Variants in OLAH observed in about 807,000 individuals in gnomAD.
OLAH encodes S-acyl fatty acid synthase thioesterase, medium chain.
In OLAH, 33 loss-of-function variants were observed where a neutral mutation model predicts 27.8. That is an observed-to-expected ratio of 1.19 (90% CI 0.90 to 1.59). OLAH has a LOEUF of 1.59. OLAH is among the 40% of genes most tolerant of loss of function. The probability of loss-of-function intolerance (pLI) is 0.00; values close to 1 mark genes in which losing one functional copy is unlikely to be tolerated. For synonymous variants in OLAH, 120 were observed against 102.9 expected (o/e 1.17, Z -1.01); for missense variants, 359 against 310.8 (o/e 1.16, Z -1.17).
upstream of OLAH, among the ~76,000 whole-genome samples, chr10:15,042,600 A>C (rs925267695): frequency 2.0e-5 from 3 of 152,184 alleles, no homozygotes; most frequent in Non-Finnish European, 4.4e-5. Flanking sequence ...TATTGACTAC[A>C]GTCACTCTGT....
intron 6 of OLAH, among the ~76,000 whole-genome samples, chr10:15,070,786 T>C (rs940460569): frequency 6.7e-6 from 1 of 148,352 alleles, no homozygotes; most frequent in African/African-American, 2.5e-5. Flanking sequence ...TGAACTTTTT[T>C]TTTTTTTTTT....
intron 1 of OLAH, 84 bp from the exon 2 acceptor site, chr10:15,047,042 T>C: frequency 4.6e-6 from 2 of 434,258 alleles, no homozygotes; most frequent in Non-Finnish European, 8.3e-6. Flanking sequence ...CCATTTCTTC[T>C]TCTCCTTTGT....
chr10:15,055,494 A>G (rs970600652), intron 3 of OLAH, among the ~76,000 whole-genome samples: 1 of 152,168 alleles, frequency 6.6e-6, no homozygotes, highest in African/African-American at 2.4e-5. Context: ...CGTCCTTTCT[A>G]CATGCTGGTA....
At chr10:15,052,858 T>A (rs1844173363) in intron 3 of OLAH, among the ~76,000 whole-genome samples, 2 of 150,722 alleles carry the variant, frequency 1.3e-5, no homozygotes, top group African/African-American at 4.9e-5. Context: ...TCCTCCTGCC[T>A]CAGCCTCCTG....
In OLAH at chr10:15,035,549, A is replaced by C. The variant is rs527879180; in HGVS notation, c.-164+3199A>C. Among the ~76,000 whole-genome samples the C allele has an allele frequency of 5.3e-5, 8 of 152,178 alleles. No homozygotes were observed. The East Asian group carries it at 1.5e-3, about 29-fold the overall frequency. The stretch of plus-strand genomic sequence containing the variant: ...GGACCGGATCTCATGAGAACTCACT[A>C]TCTCTGAGACAGCACCAAGCCACGT... On this transcript the variant is annotated intron_variant, in intron 1 of 3. Coordinates refer to the OLAH transcript ENST00000413672.
chr10:15,054,222 G>A (rs999225519), intron 3 of OLAH, among the ~76,000 whole-genome samples: 5 of 151,928 alleles, frequency 3.3e-5, no homozygotes, highest in East Asian at 1.9e-4. Flanking sequence ...TGTATTTTTA[G>A]TAGAGACAGG....
At chr10:15,062,062 A>G (rs1844378581) in intron 4 of OLAH, 200 bp downstream of exon 4, 1 of 467,258 alleles carries the variant, frequency 2.1e-6, no homozygotes. Flanking sequence ...TTAGGCAAAT[A>G]AAGTCAACAC....
chr10:15,057,007 C>A, intron 3 of OLAH: 1 of 1,388,936 alleles, frequency 7.2e-7, no homozygotes, highest in Non-Finnish European at 9.4e-7. Flanking sequence ...TTGAAAATGT[C>A]TTCTAGTTTG....
At chr10:15,049,570 G>T in intron 2 of OLAH, 65 bp from the exon 3 acceptor site, 1 of 1,002,636 alleles carries the variant, frequency 1.0e-6, no homozygotes, top group Non-Finnish European at 1.4e-6. Flanking sequence ...TAAAACACAG[G>T]TAATTCAGTA....
At chr10:15,036,258 G>C (rs1843838950) in intron 1 of OLAH, among the ~76,000 whole-genome samples, 1 of 152,124 alleles carries the variant, frequency 6.6e-6, no homozygotes, top group Admixed American at 6.5e-5. Flanking sequence ...AGCACTTTGG[G>C]ATTCCAAGGT....
chr10:15,065,583 G>A lies in OLAH; in HGVS notation c.403-1G>A. 6.2e-7 allele frequency: 1 copy of A among 1,607,862 alleles called. No individual in the cohort carries two copies. The highest frequency in any genetic ancestry group is 8.5e-7 in the Non-Finnish European group (1 of 1,177,912). ...GCCTGTGTTGTTGTTCATGTTTCAA[G>A]TCAAAGGCCTGGCATCGCATTCCCA... On this transcript the variant is annotated splice_acceptor_variant, in intron 5 of 7. Transcript: ENST00000378228. LOFTEE classifies it high-confidence loss of function.
At chr10:15,043,082 A>C (rs557444422), upstream of OLAH, among the ~76,000 whole-genome samples, 1 of 151,876 alleles carries the variant, frequency 6.6e-6, no homozygotes, top group Non-Finnish European at 1.5e-5. Flanking sequence ...GGGTGGTCTC[A>C]GTCTCCTGAC....
At chr10:15,061,649 A>G (rs1390211122) in intron 3 of OLAH, 75 bp from the exon 4 acceptor site, 2 of 1,370,374 alleles carry the variant, frequency 1.5e-6, no homozygotes, top group East Asian at 4.9e-5. Context: ...CATCAGGTAA[A>G]TATGAGCCCT....
At chr10:15,038,025 G>A (rs950284983) in intron 1 of OLAH, among the ~76,000 whole-genome samples, 3 of 152,228 alleles carry the variant, frequency 2.0e-5, no homozygotes, top group Non-Finnish European at 4.4e-5. Flanking sequence ...AACACCCTGG[G>A]AACCCACTTC....
chr10:15,070,000 G>T (rs1379524139), intron 6 of OLAH, among the ~76,000 whole-genome samples: 1 of 152,114 alleles, frequency 6.6e-6, no homozygotes, highest in East Asian at 1.9e-4. Flanking sequence ...TACCTCTTCC[G>T]CCTGGACATT....
At chr10:15,036,113 A>G (rs565569820) in intron 1 of OLAH, among the ~76,000 whole-genome samples, 32 of 152,284 alleles carry the variant, frequency 2.1e-4, no homozygotes, top group South Asian at 1.0e-3. Flanking sequence ...GATTAACTGT[A>G]CGTTTAAGTC....
rs553853028 is a variant in OLAH, at chr10:15,034,641, G to T, written c.-164+2291G>T. The stretch of plus-strand genomic sequence containing the variant: ...AAGTGGTCTATGGCCCAGCCACTTT[G>T]TTCTTGCAGGTGTGCTCTGTGATGG... On this transcript the variant is annotated intron_variant, in intron 1 of 3. Transcript: ENST00000413672. 3.3e-5 allele frequency among the ~76,000 whole-genome samples: 5 copies of T among 152,246 alleles called. 1 individual carries two copies. The East Asian group carries it at 9.7e-4, about 29-fold the overall frequency.
chr10:15,043,436 G>C (rs917482994), upstream of OLAH, among the ~76,000 whole-genome samples: 1 of 149,652 alleles, frequency 6.7e-6, no homozygotes, highest in African/African-American at 2.5e-5. Flanking sequence ...AATTCTGAAA[G>C]TCAATTCACC....
chr10:15,047,322 C>T lies in OLAH; in HGVS notation c.32+2C>T. On this transcript the variant is annotated splice_donor_variant, in intron 2 of 7. Transcript: ENST00000378228. LOFTEE classifies it low-confidence loss of function (GC_TO_GT_DONOR). ...AGGAGACCAACCTAAGAGAACCAGG[C>T]AGGCCACCCCTTGTGCCACCAGGCT... The T allele has an allele frequency of 6.2e-7, 1 of 1,613,500 alleles. No individual in the cohort carries two copies. The highest frequency in any genetic ancestry group is 1.1e-5 in the South Asian group (1 of 90,894).
Sources: allele counts gnomAD v4.1 joint callset (sites outside exome capture counted in the v4.1 genomes callset), GRCh38; gene constraint gnomAD v4.1.1; transcripts MANE v1.5; gene names NCBI Gene and HGNC (gene_info 2026-07-23, HGNC 2026-07-21).